AK9: variants seen among roughly 807,000 people sequenced by gnomAD.
The protein encoded by AK9 is adenylate kinase domain containing 1.
Under a neutral mutation model 239.6 loss-of-function variants are expected in AK9, and 191 were observed. The ratio of observed to expected loss-of-function variants is 0.80; its 90% CI spans 0.71 to 0.90. The LOEUF is 0.90. AK9 is among the 40% of genes least tolerant of loss of function. AK9 has a pLI of 0.00. For missense variants in AK9, 1,995 were observed against 2,214.7 expected (o/e 0.90, Z 1.99); for synonymous variants, 689 against 721.0 (o/e 0.96, Z 0.71).
chr6:109,679,060 G>T (rs1334026606), intron 1 of AK9, among the ~76,000 whole-genome samples: 1 of 152,204 alleles, frequency 6.6e-6, no homozygotes, highest in Non-Finnish European at 1.5e-5. Flanking sequence ...CTAGCTGCAG[G>T]AGTTTTTTTC....
chr6:109,504,522 G>A (rs748361293), intron 35 of AK9, among the ~76,000 whole-genome samples: 1 of 151,996 alleles, frequency 6.6e-6, no homozygotes, highest in Non-Finnish European at 1.5e-5. Context: ...ATTTAACTGG[G>A]TGTCAGTCAG....
At chr6:109,640,079 C>T (rs573950647) in intron 10 of AK9, among the ~76,000 whole-genome samples, 8 of 152,276 alleles carry the variant, frequency 5.3e-5, no homozygotes, top group Admixed American at 1.3e-4. Context: ...AGTCAGGTAG[C>T]GTGACGCCTC....
chr6:109,616,777 C>T (rs1794237962), intron 13 of AK9, among the ~76,000 whole-genome samples: 1 of 152,034 alleles, frequency 6.6e-6, no homozygotes. Context: ...GTATCACAAC[C>T]ACTATTTGAC....
intron 27 of AK9, among the ~76,000 whole-genome samples, chr6:109,539,071 C>A (rs988928458): frequency 1.3e-5 from 2 of 152,140 alleles, no homozygotes; most frequent in African/African-American, 4.8e-5. Flanking sequence ...GTGAATCTGA[C>A]AATTATGTGT....
At chr6:109,678,203 A>T (rs1772038997) in intron 1 of AK9, among the ~76,000 whole-genome samples, 1 of 152,248 alleles carries the variant, frequency 6.6e-6, no homozygotes, top group Non-Finnish European at 1.5e-5. Context: ...ACTGTGGTAC[A>T]TCCATACCAT....
At chr6:109,602,695 A>G (rs1792198900) in intron 17 of AK9, among the ~76,000 whole-genome samples, 1 of 152,022 alleles carries the variant, frequency 6.6e-6, no homozygotes, top group Non-Finnish European at 1.5e-5. Flanking sequence ...TCTCCCTGTC[A>G]CTTTCAGGTA....
At chr6:109,676,626 T>A (rs1771794788) in intron 1 of AK9, among the ~76,000 whole-genome samples, 2 of 152,022 alleles carry the variant, frequency 1.3e-5, no homozygotes, top group South Asian at 2.1e-4. Context: ...AATCCCTAAT[T>A]GTTGAAAATT....
intron 7 of AK9, among the ~76,000 whole-genome samples, chr6:109,657,131 C>A (rs545038430): frequency 6.6e-6 from 1 of 152,030 alleles, no homozygotes; most frequent in African/African-American, 2.4e-5. Context: ...TAAGTAGGGA[C>A]GAGTAGGGGA....
intron 32 of AK9, among the ~76,000 whole-genome samples, chr6:109,511,622 G>T (rs1778758853): frequency 6.6e-6 from 1 of 152,122 alleles, no homozygotes; most frequent in Non-Finnish European, 1.5e-5. Flanking sequence ...AGCACTGTGT[G>T]GAGATAGCAG....
rs185981329 is a variant in AK9, at chr6:109,545,041, T to G, written c.3225+826A>C. Reference sequence around the variant, plus strand: ...GTATTTAGCATATGATGAATATGACTCTTTAAATGACTTTTATGGGCTAAT... The same window carrying G: ...GTATTTAGCATATGATGAATATGACGCTTTAAATGACTTTTATGGGCTAAT... On this transcript the variant is annotated intron_variant, in intron 26 of 40. Coordinates refer to ENST00000424296, the MANE Select transcript of AK9 (RefSeq NM_001145128.3). Among the ~76,000 whole-genome samples the G allele has an allele frequency of 2.0e-4, 30 of 152,358 alleles. No homozygotes were observed. In the East Asian group the frequency reaches 4.0e-3, roughly 21 times the overall value.
chr6:109,673,808 G>T (rs1771286606), intron 3 of AK9, among the ~76,000 whole-genome samples: 1 of 151,658 alleles, frequency 6.6e-6, no homozygotes, highest in African/African-American at 2.4e-5. Context: ...AAACAGAAGG[G>T]CAAAACATTA....
intron 21 of AK9, among the ~76,000 whole-genome samples, chr6:109,573,152 C>T (rs948845393): frequency 2.6e-4 from 39 of 151,906 alleles, no homozygotes; most frequent in African/African-American, 8.0e-4. Context: ...AAGGAAAAAC[C>T]GTTATATTTT....
At chr6:109,668,449 A>G (rs556389180) in intron 5 of AK9, among the ~76,000 whole-genome samples, 2 of 151,518 alleles carry the variant, frequency 1.3e-5, no homozygotes, top group East Asian at 2.0e-4. Flanking sequence ...TGCTTTTGGT[A>G]TTTTAGACAT....
intron 29 of AK9, among the ~76,000 whole-genome samples, chr6:109,524,617 C>A (rs985952880): frequency 6.6e-6 from 1 of 151,982 alleles, no homozygotes; most frequent in Non-Finnish European, 1.5e-5. Context: ...TTCCATCATA[C>A]CAGAGGAATG....
At chr6:109,508,155 C>G (rs1368263552) in intron 33 of AK9, among the ~76,000 whole-genome samples, 2 of 152,190 alleles carry the variant, frequency 1.3e-5, no homozygotes, top group African/African-American at 4.8e-5. Flanking sequence ...AGTCTCTAGG[C>G]ACTGGCCTAC....
chr6:109,554,285 T>C (rs534348017), intron 24 of AK9, among the ~76,000 whole-genome samples: 3 of 152,218 alleles, frequency 2.0e-5, no homozygotes, highest in African/African-American at 7.2e-5. Flanking sequence ...CAGCTCCTCT[T>C]TGTATTTCTG....
rs778316282 is a variant in AK9 at position 109,641,517 on chromosome 6, C to T, written c.933+1G>A. The T allele has an allele frequency of 1.2e-6, 2 of 1,608,986 alleles. No individual in the cohort carries two copies. Among genetic ancestry groups the T allele is most frequent in the Admixed American group, 3.3e-5 (2 of 59,940 alleles). ...CTTTCAGACAGTTCCATATAACTTACATTTTCCATTGTGTCATTAATTTCT... is the reference window on the plus strand; with the variant it reads ...CTTTCAGACAGTTCCATATAACTTATATTTTCCATTGTGTCATTAATTTCT... On this transcript the variant is annotated splice_donor_variant, in intron 10 of 40. Coordinates refer to ENST00000424296, the MANE Select transcript of AK9 (RefSeq NM_001145128.3). LOFTEE classifies it high-confidence loss of function.
At chr6:109,650,405 CA>C (rs1798751826) in intron 8 of AK9, among the ~76,000 whole-genome samples, 2 of 152,128 alleles carry the variant, frequency 1.3e-5, no homozygotes, top group South Asian at 2.1e-4. Context: ...AAAACCCCAT[CA>C]AAAAGTGGGC....
chr6:109,612,105 A>C lies in AK9; in HGVS notation c.1610-12T>G. The C allele has an allele frequency of 6.7e-7, 1 of 1,497,928 alleles. No individual in the cohort carries two copies. The highest frequency in any genetic ancestry group is 9.0e-7 in the Non-Finnish European group (1 of 1,110,360). 92.8% of individuals were successfully genotyped at this position (1,497,928 alleles called of 1,614,324 possible). ...AGTTTCTTTTCCATCTGTGAATAAA[A>C]CATTGTGAATGCCTAAAGAACGGTA... On this transcript the variant is annotated splice_polypyrimidine_tract_variant and intron_variant, in intron 15 of 40. Transcript: ENST00000424296.
Sources: allele counts gnomAD v4.1 joint callset (sites outside exome capture counted in the v4.1 genomes callset), GRCh38; gene constraint gnomAD v4.1.1; transcripts MANE v1.5; gene names NCBI Gene and HGNC (gene_info 2026-07-23, HGNC 2026-07-21).